ZFYVE28: variants seen among roughly 807,000 people sequenced by gnomAD.
The protein encoded by ZFYVE28 is lateral signaling target protein 2 homolog.
In ZFYVE28, 40 loss-of-function variants were observed where a neutral mutation model predicts 82.1. The observed-to-expected ratio is 0.49, with a 90% CI of 0.38 to 0.63. The LOEUF (loss-of-function observed/expected upper bound fraction) is 0.63, where lower values mean the gene tolerates loss of function less well. Ranked by LOEUF, ZFYVE28 falls within the 30% of genes least tolerant of loss-of-function variation. The pLI is 0.00. For missense variants in ZFYVE28, 1,321 were observed against 1,242.1 expected (o/e 1.06, Z -0.96); for synonymous variants, 612 against 546.1 (o/e 1.12, Z -1.68).
At chr4:2,313,458 A>C (rs892041505) in intron 7 of ZFYVE28, among the ~76,000 whole-genome samples, 6 of 152,192 alleles carry the variant, frequency 3.9e-5, no homozygotes, top group Admixed American at 3.9e-4. Flanking sequence ...GTGTTTCGTC[A>C]TGTTGCCTGG....
rs1720511691 is a variant in ZFYVE28, at chr4:2,330,550, GGGGACAGCATGGAGAAT to G, written c.701+5138_701+5154del. 9 of 1,175,746 alleles carry G rather than the reference GGGGACAGCATGGAGAAT, an allele frequency of 7.7e-6. No homozygotes were observed. In the African/African-American group the frequency reaches 1.3e-4, roughly 17 times the overall value. The allele number at this position is 1,175,746 out of a possible 1,614,324, so 72.8% of individuals were successfully genotyped here. ...GCAGAGGAAGGGACAGCATGGAGGAGGGGACAGCATGGAGAATGGGATAGCATGGAGAATGGGATAGC... is the reference window on the plus strand; with the variant it reads ...GCAGAGGAAGGGACAGCATGGAGGAGGGGATAGCATGGAGAATGGGATAGC... On this transcript the variant is annotated intron_variant, in intron 6 of 12. Coordinates refer to ENST00000290974, the MANE Select transcript of ZFYVE28 (RefSeq NM_020972.3).
chr4:2,399,623 T>G (rs34397276), intron 1 of ZFYVE28, among the ~76,000 whole-genome samples: 82,118 of 152,068 alleles, frequency 0.54, 23,281 homozygotes, highest in Admixed American at 0.67. Flanking sequence ...CCGTGCCCGT[T>G]TTGAGAGGGT....
intron 6 of ZFYVE28, among the ~76,000 whole-genome samples, chr4:2,323,456 T>A (rs1719397346): frequency 6.6e-6 from 1 of 152,242 alleles, no homozygotes; most frequent in South Asian, 2.1e-4. Flanking sequence ...TAAATCTTCA[T>A]CAGATATATG....
rs2108700366 is a variant in ZFYVE28, at chr4:2,418,346, C to T, written c.-23G>A. On this transcript the variant is annotated 5_prime_UTR_variant, in exon 1 of 13. Transcript: ENST00000290974. The surrounding 1 kb of genome is among the most constrained non-coding windows in gnomAD (Gnocchi z 4.6). The stretch of plus-strand genomic sequence containing the variant: ...CATCGCCGCGCCGGCCCTGGCCGGA[C>T]TCCGGGCGGCCCTCGCCCTCCGCAG... The T allele has an allele frequency of 6.7e-7, 1 of 1,493,442 alleles. No individual in the cohort carries two copies. The highest frequency in any genetic ancestry group is 8.9e-7 in the Non-Finnish European group (1 of 1,118,028). 92.5% of individuals were successfully genotyped at this position (1,493,442 alleles called of 1,614,324 possible). A position where few individuals can be genotyped will look rare whatever the true frequency, so the allele number is the denominator to read the frequency against.
At chr4:2,367,493 C>T (rs948236475) in intron 1 of ZFYVE28, among the ~76,000 whole-genome samples, 2 of 152,206 alleles carry the variant, frequency 1.3e-5, no homozygotes, top group African/African-American at 4.8e-5. Flanking sequence ...TGGAAATTTG[C>T]TTGTGGAAAA....
chr4:2,403,384 T>G (rs943871273), intron 1 of ZFYVE28, among the ~76,000 whole-genome samples: 21 of 152,212 alleles, frequency 1.4e-4, no homozygotes, highest in Admixed American at 5.9e-4. Context: ...CACACACGAG[T>G]GTCAACACGC....
chr4:2,310,506 CA>C (rs1004903055), intron 7 of ZFYVE28, among the ~76,000 whole-genome samples: 4 of 151,220 alleles, frequency 2.6e-5, no homozygotes, highest in African/African-American at 4.9e-5. Context: ...TATTGAAAAA[CA>C]AAAAAAAGAG....
chr4:2,328,903 C>T, intron 6 of ZFYVE28: 1 of 393,816 alleles, frequency 2.5e-6, no homozygotes, highest in South Asian at 8.9e-5. Flanking sequence ...ATTGAATGAT[C>T]TTGGCCCCCT....
intron 6 of ZFYVE28, among the ~76,000 whole-genome samples, chr4:2,329,657 C>G (rs1311901717): frequency 6.6e-6 from 1 of 152,162 alleles, no homozygotes; most frequent in East Asian, 1.9e-4. Context: ...GCTTTAATTT[C>G]TGTTTACAAA....
At position 2,335,611 on chromosome 4, in the gene ZFYVE28, ACGCCATGGACCGGCACC is replaced by A; in HGVS notation, c.701+77_701+93del. 3.3e-6 allele frequency: 4 copies of A among 1,194,102 alleles called. No individual in the cohort carries two copies. The South Asian group carries it at 5.3e-5, about 16-fold the overall frequency. The allele number at this position is 1,194,102 out of a possible 1,614,324, so 74.0% of individuals were successfully genotyped here. A position where few individuals can be genotyped will look rare whatever the true frequency, so the allele number is the denominator to read the frequency against. On this transcript the variant is annotated intron_variant, in intron 6 of 12. Coordinates refer to ENST00000290974, the MANE Select transcript of ZFYVE28 (RefSeq NM_020972.3). This position sits in a 1 kb window ranked among gnomAD's most constrained non-coding sequence, Gnocchi z 5.8. Reference sequence around the variant, plus strand: ...GCTGAGCGGCCACCGTGAGGTGGAGACGCCATGGACCGGCACCCGCACGGGACCTGGCACCATCAGCC... The same window carrying A: ...GCTGAGCGGCCACCGTGAGGTGGAGACGCACGGGACCTGGCACCATCAGCC...
At position 2,418,202 on chromosome 4, in the gene ZFYVE28, C is replaced by T; in HGVS notation, c.39+83G>A. Reference sequence around the variant, plus strand: ...CCGGCCACGGACAGGGAAAGGGAGTCCGTCTTGTAGGGCGGACGGGCGGTC... The same window carrying T: ...CCGGCCACGGACAGGGAAAGGGAGTTCGTCTTGTAGGGCGGACGGGCGGTC... On this transcript the variant is annotated intron_variant, in intron 1 of 12. Transcript: ENST00000290974. This position sits in a 1 kb window ranked among gnomAD's most constrained non-coding sequence, Gnocchi z 4.6. The T allele has an allele frequency of 7.4e-7, 1 of 1,358,648 alleles. No individual in the cohort carries two copies. Among genetic ancestry groups the T allele is most frequent in the Non-Finnish European group, 9.9e-7 (1 of 1,013,608 alleles). The allele number at this position is 1,358,648 out of a possible 1,614,324, so 84.2% of individuals were successfully genotyped here. A position where few individuals can be genotyped will look rare whatever the true frequency, so the allele number is the denominator to read the frequency against.
chr4:2,366,945 G>A (rs1347193176), intron 1 of ZFYVE28, among the ~76,000 whole-genome samples: 1 of 152,252 alleles, frequency 6.6e-6, no homozygotes, highest in African/African-American at 2.4e-5. Flanking sequence ...GCAAAGCTGG[G>A]AGATAATTGC....
At chr4:2,326,313 G>C (rs1719846895) in intron 6 of ZFYVE28, among the ~76,000 whole-genome samples, 1 of 152,212 alleles carries the variant, frequency 6.6e-6, no homozygotes, top group African/African-American at 2.4e-5. Context: ...TGAAGAGGCT[G>C]TCCTTGTCTT....
rs148119840 is a variant in ZFYVE28, at chr4:2,322,620, C to T, written c.702-2349G>A. Among the ~76,000 whole-genome samples the T allele has an allele frequency of 1.7e-3, 256 of 152,296 alleles. 1 individual carries two copies. Among genetic ancestry groups the T allele is most frequent in the African/African-American group, 5.5e-3 (230 of 41,550 alleles). ...TCTTTTTTCAAATAAATTCATATAACGAACAACTGTTTTAAAGGGTATGAT... is the reference window on the plus strand; with the variant it reads ...TCTTTTTTCAAATAAATTCATATAATGAACAACTGTTTTAAAGGGTATGAT... On this transcript the variant is annotated intron_variant, in intron 6 of 12. Coordinates refer to ENST00000290974, the MANE Select transcript of ZFYVE28 (RefSeq NM_020972.3).
In ZFYVE28 at chr4:2,341,305, A is replaced by C; in HGVS notation, c.318+173T>G. On this transcript the variant is annotated intron_variant, in intron 3 of 12. Coordinates refer to ENST00000290974, the MANE Select transcript of ZFYVE28 (RefSeq NM_020972.3). This position sits in a 1 kb window ranked among gnomAD's most constrained non-coding sequence, Gnocchi z 4.5. ...AGTTCATGGCTTTCCCAGATCCTCCAGGGGTGCACGGCCTACCAGGCTCAG... is the reference window on the plus strand; with the variant it reads ...AGTTCATGGCTTTCCCAGATCCTCCCGGGGTGCACGGCCTACCAGGCTCAG... 2.4e-6 allele frequency: 2 copies of C among 817,524 alleles called. No homozygotes were observed. The highest frequency in any genetic ancestry group is 3.8e-6 in the Non-Finnish European group (2 of 523,272). 50.6% of individuals were successfully genotyped at this position (817,524 alleles called of 1,614,324 possible).
chr4:2,318,557 C>T (rs545558953), intron 7 of ZFYVE28, among the ~76,000 whole-genome samples: 5 of 152,204 alleles, frequency 3.3e-5, no homozygotes, highest in East Asian at 3.9e-4. Flanking sequence ...CAAACCCTGA[C>T]GCTGGAGGAG....
In ZFYVE28 at chr4:2,333,122, G is replaced by A. The variant is rs535324293; in HGVS notation, c.701+2583C>T. Among the ~76,000 whole-genome samples, 140 of 151,770 alleles carry A rather than the reference G, an allele frequency of 9.2e-4. 1 individual carries two copies. Among genetic ancestry groups the A allele is most frequent in the African/African-American group, 2.9e-3 (120 of 41,322 alleles). ...CCAGTGCCTCCAGGAGGGGACCCGC[G>A]GGACAAAGCCTCTGCCAACAGAAGC... On this transcript the variant is annotated intron_variant, in intron 6 of 12. Transcript: ENST00000290974.
intron 1 of ZFYVE28, among the ~76,000 whole-genome samples, chr4:2,389,007 T>G (rs1210092437): frequency 6.6e-6 from 1 of 151,972 alleles, no homozygotes; most frequent in Non-Finnish European, 1.5e-5. Flanking sequence ...TGTGGCTGGT[T>G]TGCATTTCTA....
intron 12 of ZFYVE28, chr4:2,271,107 G>T: frequency 2.7e-6 from 2 of 734,780 alleles, no homozygotes; most frequent in Non-Finnish European, 4.4e-6. Flanking sequence ...TGCAGCAGCC[G>T]GGACTGGACA....
Sources: gnomAD v4.1 joint callset for allele counts (sites outside exome capture counted in the v4.1 genomes callset) on GRCh38, gnomAD v4.1.1 for gene constraint, Gnocchi (gnomAD v3.1) non-coding constraint, MANE v1.5 for transcripts, NCBI Gene and HGNC (gene_info 2026-07-23, HGNC 2026-07-21) for gene names.